The following CAMK2A variants were observed in gnomAD, a reference collection of about 807,000 sequenced individuals.
CAMK2A encodes the protein calcium/calmodulin dependent protein kinase II alpha.
CAMK2A carries 7 observed loss-of-function variants against 79.2 expected under a neutral mutation model. The ratio of observed to expected loss-of-function variants is 0.09; its 90% CI spans 0.05 to 0.17. CAMK2A has a LOEUF of 0.17. Ranked by LOEUF, CAMK2A falls within the 10% of genes least tolerant of loss-of-function variation. CAMK2A has a pLI of 1.00. For synonymous variants in CAMK2A, 242 were observed against 251.7 expected (o/e 0.96, Z 0.36); for missense variants, 214 against 646.4 (o/e 0.33, Z 7.25).
intron 1 of CAMK2A, among the ~76,000 whole-genome samples, chr5:150,283,664 GGCCAAAGCC>G (rs1757306490): frequency 6.6e-6 from 1 of 152,180 alleles, no homozygotes; most frequent in South Asian, 2.1e-4. Context: ...CCATGTGTGT[GGCCAAAGCC>G]CTTATCCAGT....
chr5:150,272,985 C>T, intron 2 of CAMK2A, 80 bp downstream of exon 2: 4 of 1,112,998 alleles, frequency 3.6e-6, no homozygotes, highest in South Asian at 2.5e-5. Flanking sequence ...AGCCCTGGAT[C>T]CTGGTCTAAA....
intron 11 of CAMK2A, among the ~76,000 whole-genome samples, chr5:150,248,633 G>T (rs4958268): frequency 0.14 from 20,773 of 151,812 alleles, 1,695 homozygotes; most frequent in South Asian, 0.24. Context: ...ATGGTTTCCA[G>T]CTTCATCCAT....
rs1268954544 is a variant in CAMK2A, at chr5:150,221,419, T to C, written c.*1291A>G. On this transcript the variant is annotated 3_prime_UTR_variant, in exon 19 of 19. Transcript: ENST00000671881. Reference sequence around the variant, plus strand: ...GGAGAGAGGCAATGAAGACACACGCTCACGGGCCCCCCAGAGGTGGGTGGG... The same window carrying C: ...GGAGAGAGGCAATGAAGACACACGCCCACGGGCCCCCCAGAGGTGGGTGGG... The C allele has an allele frequency of 7.5e-6, 3 of 398,592 alleles. No individual in the cohort carries two copies. The highest frequency in any genetic ancestry group is 4.4e-6 in the Non-Finnish European group (1 of 226,096). 24.7% of individuals were successfully genotyped at this position (398,592 alleles called of 1,614,324 possible).
intron 3 of CAMK2A, among the ~76,000 whole-genome samples, chr5:150,260,952 G>A (rs2150289618): frequency 6.6e-6 from 1 of 152,246 alleles, no homozygotes. Context: ...GAAGCTCTGA[G>A]AAGCCAAGCT....
chr5:150,278,787 G>A (rs74507044), intron 1 of CAMK2A, among the ~76,000 whole-genome samples: 3,607 of 152,230 alleles, frequency 0.024, 137 homozygotes, highest in African/African-American at 0.083. Context: ...CTGGCCATAG[G>A]CGTGTATTGG....
At chr5:150,281,886 CTCTT>C (rs556810161) in intron 1 of CAMK2A, among the ~76,000 whole-genome samples, 166 of 152,316 alleles carry the variant, frequency 1.1e-3, no homozygotes, top group African/African-American at 3.4e-3. Flanking sequence ...TTTAAGCCTT[CTCTT>C]TCTTTCTTTC....
chr5:150,226,752 G>A (rs568685402), intron 17 of CAMK2A, among the ~76,000 whole-genome samples: 1 of 140,734 alleles, frequency 7.1e-6, no homozygotes, highest in Admixed American at 7.0e-5. Context: ...AAAGGGGGGG[G>A]GGGGATTTTC....
At chr5:150,245,326 A>C in intron 12 of CAMK2A, 125 bp from the exon 13 acceptor site, 9 of 757,064 alleles carry the variant, frequency 1.2e-5, no homozygotes, top group South Asian at 1.8e-5. Flanking sequence ...TGGCCCAGCG[A>C]TCCTGGGGGA....
At chr5:150,269,283 C>T (rs1282527133) in intron 2 of CAMK2A, among the ~76,000 whole-genome samples, 2 of 152,188 alleles carry the variant, frequency 1.3e-5, no homozygotes, top group African/African-American at 2.4e-5. Flanking sequence ...CATGGCAAGG[C>T]TCAGCAGAGC....
At chr5:150,230,918 G>GC (rs1238615564) in intron 16 of CAMK2A, among the ~76,000 whole-genome samples, 6 of 152,158 alleles carry the variant, frequency 3.9e-5, no homozygotes, top group Non-Finnish European at 7.4e-5. Context: ...GAGCACTCAG[G>GC]CCTACTGGGC....
upstream of CAMK2A, chr5:150,289,853 C>A (rs1164218853): frequency 1.8e-6 from 1 of 544,296 alleles, no homozygotes; most frequent in Non-Finnish European, 3.3e-6. Flanking sequence ...CTCCAAAACG[C>A]CCTGTTCCCG....
intron 1 of CAMK2A, among the ~76,000 whole-genome samples, chr5:150,286,502 C>T (rs1271877354): frequency 6.6e-6 from 1 of 152,258 alleles, no homozygotes; most frequent in Non-Finnish European, 1.5e-5. Flanking sequence ...GGGATTTGCC[C>T]TCCTCTCCTG....
intron 4 of CAMK2A, among the ~76,000 whole-genome samples, 190 bp downstream of exon 4, chr5:150,257,373 T>C (rs1756102621): frequency 6.6e-6 from 1 of 152,120 alleles, no homozygotes; most frequent in South Asian, 2.1e-4. Flanking sequence ...AAAATAAATA[T>C]AGGATGAAAG....
chr5:150,231,040 T>C (rs1352054242), intron 16 of CAMK2A, among the ~76,000 whole-genome samples: 1 of 152,134 alleles, frequency 6.6e-6, no homozygotes, highest in Admixed American at 6.5e-5. Context: ...GGGAGTTTTG[T>C]TGGAGTTCCT....
At chr5:150,281,555 G>C (rs937631508) in intron 1 of CAMK2A, among the ~76,000 whole-genome samples, 2 of 152,202 alleles carry the variant, frequency 1.3e-5, no homozygotes. Flanking sequence ...AGAAACTGGG[G>C]CCAAGACTTT....
Position 150,221,121 on chromosome 5 carries a change from A to AT in CAMK2A, c.*1588dup, listed in dbSNP as rs879574605. 0.013 allele frequency: 2,703 copies of AT among 209,118 alleles called. 2 individuals are homozygous for AT. Among genetic ancestry groups the AT allele is most frequent in the East Asian group, 0.018 (189 of 10,284 alleles). 13.0% of individuals were successfully genotyped at this position (209,118 alleles called of 1,614,324 possible). On this transcript the variant is annotated 3_prime_UTR_variant, in exon 19 of 19. Coordinates refer to ENST00000671881, the MANE Select transcript of CAMK2A (RefSeq NM_015981.4). ...GTCGGACACTGAGAATACAACCTCT[A>AT]TTTTTTTTTTTAGTCCAAAACATGT... is the stretch of plus-strand genomic sequence containing the variant.
At position 150,235,604 on chromosome 5, in the gene CAMK2A, G is replaced by A. The variant is rs1033059658; in HGVS notation, c.1066+3096C>T. Among the ~76,000 whole-genome samples, 7 of 152,220 alleles carry A rather than the reference G, an allele frequency of 4.6e-5. No individual in the cohort carries two copies. In the South Asian group the frequency reaches 6.2e-4, roughly 13 times the overall value. On this transcript the variant is annotated intron_variant, in intron 15 of 18. Coordinates refer to ENST00000671881, the MANE Select transcript of CAMK2A (RefSeq NM_015981.4). ...AGAGGAAATTAATTTTTCAAGGAGC[G>A]AATCAGGAGGGATGGGGGAGTGGGA...
intron 14 of CAMK2A, 102 bp downstream of exon 14, chr5:150,239,602 C>A (rs1755249204): frequency 2.1e-5 from 23 of 1,070,880 alleles, no homozygotes; most frequent in Non-Finnish European, 2.8e-5. Context: ...CCCTGAGCAC[C>A]CTCTCCCCGC....
chr5:150,257,064 C>T (rs1756090782), intron 4 of CAMK2A, among the ~76,000 whole-genome samples: 1 of 152,194 alleles, frequency 6.6e-6, no homozygotes, highest in African/African-American at 2.4e-5. Flanking sequence ...CCTTCTTCCC[C>T]ACCTAACCCA....
Sources: allele counts gnomAD v4.1 joint callset (sites outside exome capture counted in the v4.1 genomes callset), GRCh38; gene constraint gnomAD v4.1.1; transcripts MANE v1.5; gene names NCBI Gene and HGNC (gene_info 2026-07-23, HGNC 2026-07-21).